PALM2AKAP2: variants seen among roughly 807,000 people sequenced by gnomAD.
The protein encoded by PALM2AKAP2 is PALM2-AKAP2 fusion protein.
In PALM2AKAP2, 37 loss-of-function variants were observed where a neutral mutation model predicts 71.5. The observed-to-expected ratio is 0.52, with a 90% CI of 0.40 to 0.68. The LOEUF (loss-of-function observed/expected upper bound fraction) is 0.68. Among genes scored for constraint, PALM2AKAP2 ranks in the 30% least tolerant of loss-of-function variants. The probability of loss-of-function intolerance (pLI) is 0.00; values close to 1 mark genes in which losing one functional copy is unlikely to be tolerated. For missense variants in PALM2AKAP2, 1,224 were observed against 1,191.8 expected, an observed-to-expected ratio of 1.03 and a Z score of -0.40; for synonymous variants, 468 against 478.8, an observed-to-expected ratio of 0.98 and a Z score of 0.29.
intron 1 of PALM2AKAP2, among the ~76,000 whole-genome samples, chr9:109,679,067 T>G (rs1201552404): frequency 6.6e-6 from 1 of 152,206 alleles, no homozygotes; most frequent in African/African-American, 2.4e-5. Context: ...CTCTGGTTAC[T>G]GGGAACAAGG....
intron 1 of PALM2AKAP2, among the ~76,000 whole-genome samples, chr9:109,753,560 T>C (rs771678193): frequency 5.9e-5 from 9 of 152,180 alleles, no homozygotes; most frequent in Non-Finnish European, 1.3e-4. Flanking sequence ...ATGATCTGCA[T>C]GCAAGCAAGC....
chr9:109,946,687 C>CAAAAAAAAAAAAAAAAAAAAAAAAAAAAA (rs746162235), intron 6 of PALM2AKAP2: 1 of 37,840 alleles, frequency 2.6e-5, no homozygotes, highest in African/African-American at 9.3e-5. Flanking sequence ...AACTCCATCT[C>CAAAAAAAAAAAAAAAAAAAAAAAAAAAAA]AAAAAAAAAA....
At chr9:110,137,657 G>C (rs777285263) in exon 2 of PALM2AKAP2, 1 of 1,613,828 alleles carries the variant, frequency 6.2e-7, no homozygotes, top group African/African-American at 1.3e-5. Context: ...GCTTGACTCT[G>C]GTCTGGACGA....
intron 1 of PALM2AKAP2, among the ~76,000 whole-genome samples, chr9:109,809,100 A>G (rs1827658655): frequency 6.6e-6 from 1 of 152,184 alleles, no homozygotes; most frequent in Non-Finnish European, 1.5e-5. Context: ...TGGAAAGGAA[A>G]TGTGGGATTG....
chr9:109,929,415 C>T (rs1227173210), intron 5 of PALM2AKAP2, among the ~76,000 whole-genome samples: 1 of 152,196 alleles, frequency 6.6e-6, no homozygotes, highest in African/African-American at 2.4e-5. Context: ...TACTGCTTCA[C>T]TCTTCCCACG....
intron 6 of PALM2AKAP2, among the ~76,000 whole-genome samples, chr9:110,008,845 G>T (rs1195350043): frequency 6.6e-6 from 1 of 151,974 alleles, no homozygotes; most frequent in Non-Finnish European, 1.5e-5. Flanking sequence ...TGGCCAATGG[G>T]TGTGGGCAGC....
At chr9:109,940,879 C>T (rs1588022803) in intron 6 of PALM2AKAP2, among the ~76,000 whole-genome samples, 2 of 152,120 alleles carry the variant, frequency 1.3e-5, no homozygotes, top group Admixed American at 1.3e-4. Context: ...TCTAAAGACA[C>T]AAGGAACCAA....
At chr9:110,012,478 C>T (rs1403061769) in intron 6 of PALM2AKAP2, among the ~76,000 whole-genome samples, 1 of 152,130 alleles carries the variant, frequency 6.6e-6, no homozygotes, top group East Asian at 1.9e-4. Context: ...CATAGAGTTG[C>T]TTTGTTCTCC....
At chr9:109,949,034 T>C (rs1831576113) in intron 6 of PALM2AKAP2, among the ~76,000 whole-genome samples, 2 of 152,224 alleles carry the variant, frequency 1.3e-5, no homozygotes, top group African/African-American at 4.8e-5. Context: ...CCCAGCCTTC[T>C]TCAGAGCTGT....
At chr9:110,016,024 A>G in exon 7 of PALM2AKAP2, 1 of 1,613,814 alleles carries the variant, frequency 6.2e-7, no homozygotes, top group East Asian at 2.2e-5. Flanking sequence ...CATCCGGCCC[A>G]GACATGACTA....
chr9:110,162,047 G>C, intron 3 of PALM2AKAP2, 47 bp from the exon 10 acceptor site: 1 of 1,607,074 alleles, frequency 6.2e-7, no homozygotes. Flanking sequence ...TGTTCTGTAA[G>C]TGTGTCACTG....
At chr9:109,721,662 T>C (rs962244579) in intron 1 of PALM2AKAP2, among the ~76,000 whole-genome samples, 1 of 152,204 alleles carries the variant, frequency 6.6e-6, no homozygotes, top group Admixed American at 6.5e-5. Flanking sequence ...CTAATCTCCC[T>C]GGTTCTTTAA....
chr9:110,022,059 C>T (rs1206083330), intron 7 of PALM2AKAP2, among the ~76,000 whole-genome samples: 1 of 152,160 alleles, frequency 6.6e-6, no homozygotes, highest in Admixed American at 6.6e-5. Flanking sequence ...ATTCAGTGCC[C>T]TTTGATTACT....
chr9:109,686,612 C>CATTTATTT (rs34286921), intron 1 of PALM2AKAP2, among the ~76,000 whole-genome samples: 196 of 151,632 alleles, frequency 1.3e-3, no homozygotes, highest in Admixed American at 2.8e-3. Flanking sequence ...TTTGTTGTTC[C>CATTTATTT]ATTTATTTAT....
intron 1 of PALM2AKAP2, among the ~76,000 whole-genome samples, chr9:109,646,896 A>G (rs554792079): frequency 2.6e-5 from 4 of 152,220 alleles, no homozygotes; most frequent in South Asian, 2.1e-4. Context: ...CATTAAACAA[A>G]TGTGTTTAGA....
intron 1 of PALM2AKAP2, among the ~76,000 whole-genome samples, chr9:110,133,109 C>T (rs946522132): frequency 1.2e-4 from 19 of 152,154 alleles, no homozygotes; most frequent in African/African-American, 4.3e-4. Flanking sequence ...AAAAGGGTGC[C>T]TTGGAAAGAG....
chr9:110,068,085 C>CTTTTT (rs1166191446), intron 1 of PALM2AKAP2, among the ~76,000 whole-genome samples: 3 of 94,022 alleles, frequency 3.2e-5, no homozygotes, highest in African/African-American at 1.1e-4. Context: ...ATGTTCCAAA[C>CTTTTT]TCTTTTTTTT....
intron 1 of PALM2AKAP2, among the ~76,000 whole-genome samples, chr9:109,786,227 G>T (rs575954863): frequency 6.6e-6 from 1 of 152,334 alleles, no homozygotes; most frequent in East Asian, 1.9e-4. Context: ...TTTTGGTCCA[G>T]GCCTTTTAGG....
intron 3 of PALM2AKAP2, among the ~76,000 whole-genome samples, chr9:109,893,434 A>G (rs1410913855): frequency 1.6e-5 from 2 of 123,418 alleles, no homozygotes. Flanking sequence ...TTATCTCAGC[A>G]GGGGTTTCGT....
Sources: allele counts gnomAD v4.1 joint callset (sites outside exome capture counted in the v4.1 genomes callset), GRCh38; gene constraint gnomAD v4.1.1; transcripts MANE v1.5; gene names NCBI Gene and HGNC (gene_info 2026-07-23, HGNC 2026-07-21).